SUSD1: variants seen among roughly 807,000 people sequenced by gnomAD.
The protein encoded by SUSD1 is sushi domain-containing protein 1.
SUSD1 carries 65 observed loss-of-function variants against 86.9 expected under a neutral mutation model. That is an observed-to-expected ratio of 0.75 (90% confidence interval 0.61 to 0.92). SUSD1 has a LOEUF of 0.92. Ranked by LOEUF, SUSD1 falls within the 40% of genes least tolerant of loss-of-function variation. The probability of loss-of-function intolerance (pLI) is 0.00; values close to 1 mark genes in which losing one functional copy is unlikely to be tolerated. For synonymous variants in SUSD1, 346 were observed against 350.0 expected, an observed-to-expected ratio of 0.99 and a Z score of 0.13; for missense variants, 850 against 929.7, an observed-to-expected ratio of 0.91 and a Z score of 1.11.
intron 10 of SUSD1, among the ~76,000 whole-genome samples, chr9:112,094,961 G>A (rs530730467): frequency 7.2e-5 from 11 of 152,164 alleles, no homozygotes; most frequent in East Asian, 1.9e-4. Flanking sequence ...GTATTGCACC[G>A]GCTATAAGGA....
chr9:112,158,603 G>C (rs1035209329), intron 1 of SUSD1, among the ~76,000 whole-genome samples: 2 of 152,002 alleles, frequency 1.3e-5, no homozygotes, highest in African/African-American at 4.8e-5. Context: ...TGTTGTCAAG[G>C]CTGGTCTCGA....
intron 15 of SUSD1, among the ~76,000 whole-genome samples, chr9:112,048,251 A>G (rs1206459573): frequency 3.9e-5 from 6 of 152,206 alleles, no homozygotes; most frequent in African/African-American, 1.4e-4. Context: ...CTTCACAGCA[A>G]TACCTAGAAC....
chr9:112,140,137 T>C (rs1050468973), intron 5 of SUSD1, among the ~76,000 whole-genome samples: 2 of 90,798 alleles, frequency 2.2e-5, no homozygotes, highest in Non-Finnish European at 2.1e-5. Flanking sequence ...CCGAGGCGGG[T>C]GGATCATGAG....
intron 6 of SUSD1, among the ~76,000 whole-genome samples, chr9:112,122,133 T>A (rs1245324738): frequency 6.6e-6 from 1 of 152,202 alleles, no homozygotes; most frequent in Non-Finnish European, 1.5e-5. Context: ...ACACAGCTAA[T>A]ATATGGCATT....
intron 10 of SUSD1, among the ~76,000 whole-genome samples, chr9:112,092,828 A>G (rs1447760216): frequency 6.6e-6 from 1 of 152,226 alleles, no homozygotes; most frequent in Admixed American, 6.5e-5. Context: ...AAAACATCGT[A>G]AACAAAATTG....
rs114140593 is a variant in SUSD1, at chr9:112,136,380, C to T, written c.706+5940G>A. On this transcript the variant is annotated intron_variant, in intron 5 of 16. Coordinates refer to ENST00000374270, the MANE Select transcript of SUSD1 (RefSeq NM_022486.5). Reference sequence around the variant, plus strand: ...TCCTGAGCAGCTAGGACTACAGGCGCGTGCCATCATGCCCAGACAATGTTA... The same window carrying T: ...TCCTGAGCAGCTAGGACTACAGGCGTGTGCCATCATGCCCAGACAATGTTA... 8.0e-3 allele frequency among the ~76,000 whole-genome samples: 1,216 copies of T among 152,184 alleles called. 23 individuals are homozygous for T. Among genetic ancestry groups the T allele is most frequent in the African/African-American group, 0.028 (1,166 of 41,508 alleles).
chr9:112,070,102 C>T (rs184737894), intron 12 of SUSD1, among the ~76,000 whole-genome samples: 5 of 152,096 alleles, frequency 3.3e-5, no homozygotes, highest in Non-Finnish European at 5.9e-5. Context: ...GCCTCCCGGG[C>T]TCAAGCAATT....
chr9:112,160,965 G>C (rs1833540425), intron 1 of SUSD1, among the ~76,000 whole-genome samples: 1 of 152,208 alleles, frequency 6.6e-6, no homozygotes, highest in Admixed American at 6.5e-5. Context: ...ACTGAAGTGA[G>C]GATGAGTCCC....
intron 1 of SUSD1, among the ~76,000 whole-genome samples, chr9:112,165,946 A>G (rs865839391): frequency 1.5e-5 from 2 of 137,446 alleles, no homozygotes; most frequent in African/African-American, 2.9e-5. Context: ...AAGAAAGAAG[A>G]AAGAAAGAAA....
chr9:112,057,205 T>C (rs1435988335), intron 14 of SUSD1, among the ~76,000 whole-genome samples: 1 of 152,154 alleles, frequency 6.6e-6, no homozygotes, highest in Admixed American at 6.5e-5. Flanking sequence ...GAGTCCTCAC[T>C]GGGGAACTGA....
intron 14 of SUSD1, among the ~76,000 whole-genome samples, chr9:112,054,657 T>G (rs1828368884): frequency 6.6e-6 from 1 of 151,966 alleles, no homozygotes; most frequent in African/African-American, 2.4e-5. Context: ...AGAATGAATA[T>G]GGACCCTTAC....
chr9:112,138,265 A>ATATATGAAGTC (rs1832390144), intron 5 of SUSD1, among the ~76,000 whole-genome samples: 1 of 118,850 alleles, frequency 8.4e-6, no homozygotes, highest in Non-Finnish European at 1.7e-5. Flanking sequence ...ATGTGTATAT[A>ATATATGAAGTC]CATATATATA....
At chr9:112,084,960 TC>T (rs1280718193) in intron 10 of SUSD1, among the ~76,000 whole-genome samples, 2 of 152,212 alleles carry the variant, frequency 1.3e-5, no homozygotes, top group Non-Finnish European at 2.9e-5. Context: ...CACTATTTCC[TC>T]TCTGCTCCTG....
intron 15 of SUSD1, among the ~76,000 whole-genome samples, chr9:112,048,708 G>T (rs1391393794): frequency 6.6e-6 from 1 of 152,214 alleles, no homozygotes; most frequent in Non-Finnish European, 1.5e-5. Context: ...AAGAAGGGCA[G>T]ATCCTGCCCT....
intron 12 of SUSD1, among the ~76,000 whole-genome samples, chr9:112,072,181 C>A (rs10981248): frequency 0.018 from 2,143 of 118,028 alleles, 61 homozygotes; most frequent in African/African-American, 0.064. Flanking sequence ...GACGGAGTCT[C>A]ACTCTGTTGT....
chr9:112,098,480 A>C lies in SUSD1; in HGVS notation c.1464T>G (p.Thr488=). The stretch of plus-strand genomic sequence containing the variant: ...GACGTCTACACCCACCTGCTGGGGG[A>C]GTTGCTATTGTTATTTGCACTGAGT... The part of the protein sequence containing the change: ...KRHSVQITIA[T]PPAVKQTISN... The change falls in exon 10 of 17, where the codon ACT becomes ACG. Residue 488 remains threonine (T), a synonymous_variant. Transcript: ENST00000374270. 6.2e-7 allele frequency: 1 copy of C among 1,613,906 alleles called. No individual in the cohort carries two copies.
At chr9:112,098,956 T>C (rs1253325896) in intron 9 of SUSD1, among the ~76,000 whole-genome samples, 1 of 152,002 alleles carries the variant, frequency 6.6e-6, no homozygotes, top group African/African-American at 2.4e-5. Context: ...GTGAAAGAGA[T>C]TACATTGGAG....
chr9:112,087,837 A>G (rs1475616312), intron 10 of SUSD1, among the ~76,000 whole-genome samples: 1 of 152,228 alleles, frequency 6.6e-6, no homozygotes, highest in Non-Finnish European at 1.5e-5. Context: ...ACTTTACAAG[A>G]ATAAAGAGAC....
intron 6 of SUSD1, among the ~76,000 whole-genome samples, chr9:112,115,814 A>AAAAAAGAAAAAG (rs1554766261): frequency 5.2e-5 from 1 of 19,260 alleles, no homozygotes; most frequent in African/African-American, 2.1e-4. Flanking sequence ...ATTGCAAAAA[A>AAAAAAGAAAAAG]AAAAAAAAAG....
Sources: gnomAD v4.1 joint callset for allele counts (sites outside exome capture counted in the v4.1 genomes callset) on GRCh38, gnomAD v4.1.1 for gene constraint, MANE v1.5 for transcripts, NCBI Gene and HGNC (gene_info 2026-07-23, HGNC 2026-07-21) for gene names.